Variants in TRMT44 observed in about 807,000 individuals in gnomAD.
The protein encoded by TRMT44 is tRNA methyltransferase 44 homolog, also known as probable tRNA (uracil-O(2)-)-methyltransferase.
Under a neutral mutation model 77.3 loss-of-function variants are expected in TRMT44, and 78 were observed. That is an observed-to-expected ratio of 1.01 (90% CI 0.84 to 1.22). The LOEUF is 1.22. Ranked by LOEUF, TRMT44 falls within the 50% of genes most tolerant of loss-of-function variation. The probability of loss-of-function intolerance (pLI) is 0.00; values close to 1 mark genes in which losing one functional copy is unlikely to be tolerated. For missense variants in TRMT44, 1,090 were observed against 964.4 expected (o/e 1.13, Z -1.73); for synonymous variants, 391 against 383.3 (o/e 1.02, Z -0.23).
rs1188098774 is a variant in TRMT44 at position 8,440,817 on chromosome 4, G to T, written c.-6G>T. ...CGCTGCCAGGGCTGTACACCTGCTG[G>T]CTGCCATGGCTGAGGTGGGCCGTAC... On this transcript the variant is annotated 5_prime_UTR_variant, in exon 1 of 11. Transcript: ENST00000389737. 8.3e-6 allele frequency: 12 copies of T among 1,447,246 alleles called. No homozygotes were observed. The highest frequency in any genetic ancestry group is 2.5e-5 in the Admixed American group (1 of 40,514). 89.7% of individuals were successfully genotyped at this position (1,447,246 alleles called of 1,614,324 possible). A position where few individuals can be genotyped will look rare whatever the true frequency, so the allele number is the denominator to read the frequency against.
In TRMT44 at chr4:8,451,691, G is replaced by A. The variant is rs1459589232; in HGVS notation, c.955-269G>A. Among the ~76,000 whole-genome samples the A allele has an allele frequency of 6.6e-6, 1 of 152,178 alleles. No individual in the cohort carries two copies. Among genetic ancestry groups the A allele is most frequent in the East Asian group, 1.9e-4 (1 of 5,202 alleles). On this transcript the variant is annotated intron_variant, in intron 3 of 10. Coordinates refer to ENST00000389737, the MANE Select transcript of TRMT44 (RefSeq NM_152544.3). The surrounding 1 kb of genome is among the most constrained non-coding windows in gnomAD (Gnocchi z 4.1). ...CACAGTGTAGCTAAGTGTTTCCTCTGTGTCCACTGCCTCAGCTAAATGCCT... is the reference window on the plus strand; with the variant it reads ...CACAGTGTAGCTAAGTGTTTCCTCTATGTCCACTGCCTCAGCTAAATGCCT...
downstream of TRMT44, among the ~76,000 whole-genome samples, chr4:8,498,353 T>C (rs1482056896): frequency 6.6e-6 from 1 of 152,158 alleles, no homozygotes; most frequent in Non-Finnish European, 1.5e-5. This position sits in a 1 kb window ranked among gnomAD's most constrained non-coding sequence, Gnocchi z 4.3. Flanking sequence ...CAAATCACTA[T>C]AAAGAAATAC....
intron 6 of TRMT44, among the ~76,000 whole-genome samples, chr4:8,455,913 C>T (rs555535096): frequency 5.3e-5 from 8 of 152,110 alleles, no homozygotes; most frequent in Admixed American, 1.3e-4. Flanking sequence ...AGATGAAATG[C>T]ATAACCTAGA....
intron 1 of TRMT44, among the ~76,000 whole-genome samples, chr4:8,442,442 T>C (rs948938940): frequency 3.9e-5 from 6 of 152,250 alleles, no homozygotes; most frequent in Non-Finnish European, 8.8e-5. Flanking sequence ...CCTGAAACTT[T>C]ATTCAGCAGC....
chr4:8,441,543 G>A, intron 1 of TRMT44, 102 bp downstream of exon 1: 1 of 1,337,648 alleles, frequency 7.5e-7, no homozygotes, highest in Non-Finnish European at 9.8e-7. Flanking sequence ...CCTCTGCGAT[G>A]TCCTAGGGAG....
chr4:8,507,632 T>A, the TRMT44 span: 2 of 152,570 alleles, frequency 1.3e-5, no homozygotes, highest in South Asian at 2.1e-4. Context: ...TTCATTTCTG[T>A]TACTTGCATC....
At chr4:8,443,143 C>T (rs1271452029) in intron 1 of TRMT44, among the ~76,000 whole-genome samples, 1 of 152,138 alleles carries the variant, frequency 6.6e-6, no homozygotes, top group African/African-American at 2.4e-5. Context: ...GTGTCCTCTC[C>T]TCCAGGGGGC....
chr4:8,450,037 G>A, intron 3 of TRMT44, 149 bp downstream of exon 3: 1 of 540,962 alleles, frequency 1.8e-6, no homozygotes, highest in Non-Finnish European at 3.1e-6. Context: ...TGTGATCTTG[G>A]CTCACTGCAA....
intron 2 of TRMT44, among the ~76,000 whole-genome samples, chr4:8,483,888 G>A (rs1403175384): frequency 1.3e-5 from 2 of 152,160 alleles, no homozygotes; most frequent in Non-Finnish European, 2.9e-5. Flanking sequence ...AGGTATTTTA[G>A]TTGCCTGACT....
the TRMT44 span, among the ~76,000 whole-genome samples, chr4:8,501,748 A>C: frequency 1.3e-5 from 2 of 151,806 alleles, no homozygotes; most frequent in African/African-American, 4.8e-5. The surrounding 1 kb of genome is among the most constrained non-coding windows in gnomAD (Gnocchi z 4.4). Flanking sequence ...GGAGGTGCTC[A>C]GTTGGGGCCC....
chr4:8,465,571 A>C lies in TRMT44; in HGVS notation c.1494+10A>C, dbSNP rs777305396. On this transcript the variant is annotated intron_variant, in intron 8 of 10. Coordinates refer to ENST00000389737, the MANE Select transcript of TRMT44 (RefSeq NM_152544.3). Reference sequence around the variant, plus strand: ...TCCTTCAACCAAAAGAGTATGTCTGATTCTCATGTTGTTCTAGGCGGTGTG... The same window carrying C: ...TCCTTCAACCAAAAGAGTATGTCTGCTTCTCATGTTGTTCTAGGCGGTGTG... 3 of 1,607,818 alleles carry C rather than the reference A, an allele frequency of 1.9e-6. No individual in the cohort carries two copies. Among genetic ancestry groups the C allele is most frequent in the Non-Finnish European group, 2.5e-6 (3 of 1,176,498 alleles).
In TRMT44 at chr4:8,446,373, G is replaced by C; in HGVS notation, c.620-103G>C. 2 of 717,288 alleles carry C rather than the reference G, an allele frequency of 2.8e-6. No individual in the cohort carries two copies. Among genetic ancestry groups the C allele is most frequent in the Non-Finnish European group, 4.7e-6 (2 of 425,796 alleles). 44.4% of individuals were successfully genotyped at this position (717,288 alleles called of 1,614,324 possible). On this transcript the variant is annotated intron_variant, in intron 1 of 10. Coordinates refer to ENST00000389737, the MANE Select transcript of TRMT44 (RefSeq NM_152544.3). The surrounding 1 kb of genome is among the most constrained non-coding windows in gnomAD (Gnocchi z 4.3). Reference sequence around the variant, plus strand: ...TGCCATTGTGAATAGAGTGCTGGGGGATTGAAAGCATCGTGCTTGACTCAT... The same window carrying C: ...TGCCATTGTGAATAGAGTGCTGGGGCATTGAAAGCATCGTGCTTGACTCAT...
chr4:8,443,334 C>T (rs774147575), intron 1 of TRMT44, among the ~76,000 whole-genome samples: 2 of 152,192 alleles, frequency 1.3e-5, no homozygotes, highest in African/African-American at 4.8e-5. Context: ...CTTTCTTCCT[C>T]TCAGGGAGGC....
In TRMT44 at chr4:8,452,849, A is replaced by G; in HGVS notation, c.1024-33A>G. The G allele has an allele frequency of 7.5e-7, 1 of 1,333,834 alleles. No homozygotes were observed. 82.6% of individuals were successfully genotyped at this position (1,333,834 alleles called of 1,614,324 possible). A position where few individuals can be genotyped will look rare whatever the true frequency, so the allele number is the denominator to read the frequency against. Reference sequence around the variant, plus strand: ...TTATTCTTGCGTAGAGTGAATTACCACCTGACTTTGTTTTGTTTTTCTCTT... The same window carrying G: ...TTATTCTTGCGTAGAGTGAATTACCGCCTGACTTTGTTTTGTTTTTCTCTT... On this transcript the variant is annotated intron_variant, in intron 4 of 10. Transcript: ENST00000389737. This position sits in a 1 kb window ranked among gnomAD's most constrained non-coding sequence, Gnocchi z 5.7.
chr4:8,515,426 G>A, the TRMT44 span, among the ~76,000 whole-genome samples: 1 of 152,338 alleles, frequency 6.6e-6, no homozygotes, highest in East Asian at 1.9e-4. Context: ...CCCATAGAAT[G>A]ACGAGAGCAG....
chr4:8,480,736 G>T (rs776495123), downstream of TRMT44, among the ~76,000 whole-genome samples: 10 of 152,104 alleles, frequency 6.6e-5, no homozygotes, highest in Non-Finnish European at 1.0e-4. Flanking sequence ...TTTTTATCTT[G>T]CCCAAATTCC....
chr4:8,487,405 C>G (rs57714297), intron 2 of TRMT44, among the ~76,000 whole-genome samples: 1 of 150,932 alleles, frequency 6.6e-6, no homozygotes, highest in South Asian at 2.1e-4. Context: ...TCCAGAAAAG[C>G]GGGAAAGGGG....
At chr4:8,449,423 G>A (rs73211370) in intron 2 of TRMT44, among the ~76,000 whole-genome samples, 140 of 152,318 alleles carry the variant, frequency 9.2e-4, no homozygotes, top group Non-Finnish European at 1.5e-3. Flanking sequence ...TTGTTCAGCC[G>A]CCTCAGGGGC....
the TRMT44 span, among the ~76,000 whole-genome samples, chr4:8,509,990 G>T: frequency 6.6e-6 from 1 of 152,186 alleles, no homozygotes; most frequent in African/African-American, 2.4e-5. Flanking sequence ...TGGCATCCCC[G>T]TGGAGATGAT....
Sources: allele counts gnomAD v4.1 joint callset (sites outside exome capture counted in the v4.1 genomes callset), GRCh38; gene constraint gnomAD v4.1.1; non-coding constraint Gnocchi (gnomAD v3.1); transcripts MANE v1.5; gene names NCBI Gene and HGNC (gene_info 2026-07-23, HGNC 2026-07-21).